Variants in KLF16 observed in about 807,000 individuals in gnomAD.
The protein encoded by KLF16 is Krueppel-like factor 16.
A neutral mutation model predicts 6.1 loss-of-function variants in KLF16; 6 were observed. The ratio of observed to expected loss-of-function variants is 0.98; its 90% CI spans 0.54 to 1.93. KLF16 has a LOEUF of 1.93. Among genes scored for constraint, KLF16 ranks in the 30% most tolerant of loss-of-function variants. The probability of loss-of-function intolerance (pLI) is 0.01; values close to 1 mark genes in which losing one functional copy is unlikely to be tolerated. For synonymous variants in KLF16, 211 were observed against 176.5 expected, an observed-to-expected ratio of 1.20 and a Z score of -1.55; for missense variants, 355 against 363.8, an observed-to-expected ratio of 0.98 and a Z score of 0.20.
Position 1,863,422 on chromosome 19 carries a change from G to A in KLF16, c.76C>T (p.His26Tyr). Residue 26 changes from histidine to tyrosine, a missense_variant, in exon 1 of 2, where the codon CAC becomes TAC. Coordinates refer to ENST00000250916, the MANE Select transcript of KLF16 (RefSeq NM_031918.4). Reference protein sequence around the residue: ...LMAISSGAVVHRGRPGPEGAG... With the variant: ...LMAISSGAVVYRGRPGPEGAG... ...CCCTCGGGGCCGGGCCGCCCGCGGT[G>A]CACCACGGCGCCCGAAGAGATGGCC... 2 of 1,018,868 alleles carry A rather than the reference G, an allele frequency of 2.0e-6. 1 individual carries two copies. Among genetic ancestry groups the A allele is most frequent in the South Asian group, 6.7e-5 (2 of 29,868 alleles). 63.1% of individuals were successfully genotyped at this position (1,018,868 alleles called of 1,614,324 possible).
rs1425919315 is a variant in KLF16, at chr19:1,857,350, C to T, written c.458-2590G>A. Reference sequence around the variant, plus strand: ...GCCAGCCGGGCCCCCAGGTGCACAGCCACCCAGCTGCTCCGCGCTACCTGG... The same window carrying T: ...GCCAGCCGGGCCCCCAGGTGCACAGTCACCCAGCTGCTCCGCGCTACCTGG... On this transcript the variant is annotated intron_variant, in intron 1 of 1. Coordinates refer to ENST00000250916, the MANE Select transcript of KLF16 (RefSeq NM_031918.4). This position sits in a 1 kb window ranked among gnomAD's most constrained non-coding sequence, Gnocchi z 4.7. Among the ~76,000 whole-genome samples the T allele has an allele frequency of 6.6e-6, 1 of 152,224 alleles. No homozygotes were observed. The highest frequency in any genetic ancestry group is 1.5e-5 in the Non-Finnish European group (1 of 68,036).
At chr19:1,866,301 T>C (rs1476467103), upstream of KLF16, among the ~76,000 whole-genome samples, 1 of 135,536 alleles carries the variant, frequency 7.4e-6, no homozygotes, top group Non-Finnish European at 1.6e-5. Flanking sequence ...GAGCAAAAAC[T>C]CCATCTCAAA....
chr19:1,865,979 C>T (rs549997985), upstream of KLF16, among the ~76,000 whole-genome samples: 232 of 152,246 alleles, frequency 1.5e-3, 1 homozygote, highest in Middle Eastern at 3.4e-3. Context: ...GCCGGGGCAA[C>T]GTAATGAAAC....
upstream of KLF16, among the ~76,000 whole-genome samples, chr19:1,867,929 TG>T (rs1327260863): frequency 9.6e-5 from 4 of 41,662 alleles, no homozygotes; most frequent in African/African-American, 1.8e-4. Flanking sequence ...TGTAAGGACG[TG>T]TGTGTGTGTG....
chr19:1,863,088 G>A lies in KLF16; in HGVS notation c.410C>T (p.Ala137Val). The A allele has an allele frequency of 7.1e-7, 1 of 1,407,702 alleles. No individual in the cohort carries two copies. The highest frequency in any genetic ancestry group is 9.4e-7 in the Non-Finnish European group (1 of 1,062,424). The allele number at this position is 1,407,702 out of a possible 1,614,324, so 87.2% of individuals were successfully genotyped here. A position where few individuals can be genotyped will look rare whatever the true frequency, so the allele number is the denominator to read the frequency against. The change falls in exon 1 of 2, where the codon GCC (alanine) becomes GTC (valine). Residue 137 changes from alanine to valine, a missense_variant. Coordinates refer to ENST00000250916, the MANE Select transcript of KLF16 (RefSeq NM_031918.4). Reference sequence around the variant, plus strand: ...CTTTAGGTGCGAGGACTTGTAGTAGGCTTTGGCGCAGTCCGGGAAGGGACA... The same window carrying A: ...CTTTAGGTGCGAGGACTTGTAGTAGACTTTGGCGCAGTCCGGGAAGGGACA... ...HRCPFPDCAK[A>V]YYKSSHLKSH... is the part of the protein sequence containing the mutation.
the KLF16 span, among the ~76,000 whole-genome samples, chr19:1,869,513 G>A: frequency 6.6e-6 from 1 of 152,074 alleles, no homozygotes; most frequent in Non-Finnish European, 1.5e-5. Context: ...TTTTGACGGG[G>A]TGTTACCACA....
At chr19:1,875,246 T>G in the KLF16 span, 2 of 152,228 alleles carry the variant, frequency 1.3e-5, no homozygotes, top group Admixed American at 1.3e-4. Flanking sequence ...CATTGTTCGT[T>G]ATAAAAGACA....
intron 1 of KLF16, among the ~76,000 whole-genome samples, chr19:1,855,108 G>C (rs1484975735): frequency 6.6e-6 from 1 of 152,174 alleles, no homozygotes; most frequent in East Asian, 1.9e-4. Flanking sequence ...ACCCTGGCAG[G>C]GATTAGCAAA....
At chr19:1,873,236 G>A in the KLF16 span, among the ~76,000 whole-genome samples, 10 of 152,184 alleles carry the variant, frequency 6.6e-5, no homozygotes, top group East Asian at 1.9e-4. Context: ...TTGGTCAGCC[G>A]CCCACACACA....
Position 1,855,274 on chromosome 19 carries a change from A to T in KLF16, c.458-514T>A, listed in dbSNP as rs549455412. On this transcript the variant is annotated intron_variant, in intron 1 of 1. Transcript: ENST00000250916. ...CCACCTGGGATGCAAAGGCTGGGTT[A>T]AGGGGGTACAATCATGGCAACCTCC... is the stretch of plus-strand genomic sequence containing the variant. Among the ~76,000 whole-genome samples the T allele has an allele frequency of 2.6e-5, 4 of 152,286 alleles. No homozygotes were observed. In the South Asian group the frequency reaches 8.3e-4, roughly 32 times the overall value.
the KLF16 span, among the ~76,000 whole-genome samples, chr19:1,870,274 A>G: frequency 6.6e-6 from 1 of 152,056 alleles, no homozygotes; most frequent in Non-Finnish European, 1.5e-5. Context: ...TGTGGGGGTG[A>G]CTGGACTGAA....
At chr19:1,871,096 G>A in the KLF16 span, among the ~76,000 whole-genome samples, 7 of 152,234 alleles carry the variant, frequency 4.6e-5, no homozygotes, top group South Asian at 4.1e-4. Flanking sequence ...CAGTATCAGC[G>A]GCGGGGTCAC....
chr19:1,858,454 G>A (rs1259084050), intron 1 of KLF16, among the ~76,000 whole-genome samples: 2 of 152,218 alleles, frequency 1.3e-5, no homozygotes, highest in Non-Finnish European at 2.9e-5. Flanking sequence ...TCTTGTGGGT[G>A]TAATATCTGC....
intron 1 of KLF16, 110 bp downstream of exon 1, chr19:1,862,931 G>A: frequency 3.8e-6 from 2 of 523,246 alleles, no homozygotes; most frequent in Non-Finnish European, 5.0e-6. Context: ...GCGGCGGCCC[G>A]GGCGCGCCCC....
intron 1 of KLF16, among the ~76,000 whole-genome samples, chr19:1,859,492 C>T (rs973529520): frequency 6.6e-6 from 1 of 152,114 alleles, no homozygotes; most frequent in Non-Finnish European, 1.5e-5. Flanking sequence ...GCCTCACTGC[C>T]GCCCCCAGCG....
the KLF16 span, among the ~76,000 whole-genome samples, chr19:1,869,045 AC>A: frequency 6.8e-6 from 1 of 147,436 alleles, no homozygotes; most frequent in Non-Finnish European, 1.6e-5. Context: ...CTTTTAAGAG[AC>A]TCAAGAGACA....
At chr19:1,867,969 C>G (rs1053245426), upstream of KLF16, among the ~76,000 whole-genome samples, 1 of 149,586 alleles carries the variant, frequency 6.7e-6, no homozygotes, top group East Asian at 2.0e-4. Flanking sequence ...TGTGCGTGCG[C>G]GCATGCACTG....
At chr19:1,867,395 C>A (rs1312847852), upstream of KLF16, among the ~76,000 whole-genome samples, 1 of 152,288 alleles carries the variant, frequency 6.6e-6, no homozygotes, top group South Asian at 2.1e-4. Flanking sequence ...TATAGTGAGA[C>A]CCCTGTCTGC....
chr19:1,874,710 G>A, the KLF16 span, among the ~76,000 whole-genome samples: 2 of 114,800 alleles, frequency 1.7e-5, no homozygotes, highest in African/African-American at 6.7e-5. Flanking sequence ...CGGGTCAGCC[G>A]AGAAATGGTA....
Sources: allele counts gnomAD v4.1 joint callset (sites outside exome capture counted in the v4.1 genomes callset), GRCh38; gene constraint gnomAD v4.1.1; non-coding constraint Gnocchi (gnomAD v3.1); transcripts MANE v1.5; gene names NCBI Gene and HGNC (gene_info 2026-07-23, HGNC 2026-07-21).